Variants in PTPRK observed in about 807,000 individuals in gnomAD.
PTPRK encodes the protein protein tyrosine phosphatase receptor type K.
PTPRK carries 75 observed loss-of-function variants against 178.0 expected under a neutral mutation model. That is an observed-to-expected ratio of 0.42 (90% CI 0.35 to 0.51). PTPRK has a LOEUF of 0.51. Among genes scored for constraint, PTPRK ranks in the 20% least tolerant of loss-of-function variants. PTPRK has a pLI of 0.02. For synonymous variants in PTPRK, 637 were observed against 620.6 expected (o/e 1.03, Z -0.39); for missense variants, 1,441 against 1,797.8 (o/e 0.80, Z 3.59).
chr6:128,373,819 C>T (rs1836641060), intron 2 of PTPRK, among the ~76,000 whole-genome samples: 1 of 152,084 alleles, frequency 6.6e-6, no homozygotes, highest in Admixed American at 6.6e-5. Flanking sequence ...CATGAATACC[C>T]TTTAGTCTCA....
intron 1 of PTPRK, among the ~76,000 whole-genome samples, chr6:128,515,207 A>G (rs1035031678): frequency 1.3e-5 from 2 of 152,256 alleles, no homozygotes; most frequent in African/African-American, 4.8e-5. Context: ...GAACTTAAAG[A>G]CTTCAGAAAC....
chr6:128,030,512 T>C (rs577164017), intron 13 of PTPRK, among the ~76,000 whole-genome samples: 1 of 152,356 alleles, frequency 6.6e-6, no homozygotes, highest in East Asian at 1.9e-4. Flanking sequence ...GACTCTTCCC[T>C]TAGCTGTGTC....
intron 2 of PTPRK, among the ~76,000 whole-genome samples, chr6:128,394,050 G>A (rs376616313): frequency 6.6e-6 from 1 of 151,998 alleles, no homozygotes; most frequent in East Asian, 1.9e-4. Flanking sequence ...TAAATAATAT[G>A]CTGATTTCTA....
intron 5 of PTPRK, among the ~76,000 whole-genome samples, chr6:128,222,277 CACT>C (rs1810552375): frequency 6.6e-6 from 1 of 152,206 alleles, no homozygotes; most frequent in African/African-American, 2.4e-5. Context: ...CCTCTCACAA[CACT>C]ACTATCTCAA....
chr6:128,037,040 C>A (rs1776349581), intron 13 of PTPRK, among the ~76,000 whole-genome samples: 1 of 152,046 alleles, frequency 6.6e-6, no homozygotes, highest in African/African-American at 2.4e-5. Flanking sequence ...CCCTCCCTAA[C>A]TCATTCTTTT....
At chr6:128,468,247 G>A (rs1850144170) in intron 1 of PTPRK, among the ~76,000 whole-genome samples, 1 of 152,104 alleles carries the variant, frequency 6.6e-6, no homozygotes, top group Non-Finnish European at 1.5e-5. Context: ...ACGAATTTGG[G>A]GCTCACAATT....
At position 128,322,667 on chromosome 6, in the gene PTPRK, A is replaced by AATATATATATATATATATATATATAT. The variant is rs10651820; in HGVS notation, c.224-358_224-357insATATATATATATATATATATATATAT. ...TTACTGAACACAAGTCTTTTAATAT[A>AATATATATATATATATATATATATAT]ATATATATATATATGTATACACACA... On this transcript the variant is annotated intron_variant, in intron 2 of 29. Transcript: ENST00000368226. 5.6e-3 allele frequency among the ~76,000 whole-genome samples: 801 copies of AATATATATATATATATATATATATAT among 143,508 alleles called. 11 individuals are homozygous for AATATATATATATATATATATATATAT. The highest frequency in any genetic ancestry group is 9.0e-3 in the South Asian group (42 of 4,664). The allele number at this position is 143,508 out of a possible 152,430, so 94.1% of individuals were successfully genotyped here.
At chr6:128,473,807 C>T (rs976755762) in intron 1 of PTPRK, among the ~76,000 whole-genome samples, 5 of 152,146 alleles carry the variant, frequency 3.3e-5, no homozygotes, top group Admixed American at 2.6e-4. Flanking sequence ...TGTAAAGCTA[C>T]TACTGGGTTA....
intron 13 of PTPRK, among the ~76,000 whole-genome samples, chr6:128,038,967 T>C (rs896223183): frequency 6.6e-6 from 1 of 152,154 alleles, no homozygotes; most frequent in African/African-American, 2.4e-5. Context: ...CTGGCACTAA[T>C]TAGTAGTGAT....
intron 7 of PTPRK, among the ~76,000 whole-genome samples, chr6:128,101,438 T>G (rs17055283): frequency 0.035 from 5,329 of 152,182 alleles, 160 homozygotes; most frequent in Middle Eastern, 0.092. Context: ...GTTTCCCACA[T>G]AGTACCTCAT....
At chr6:128,162,664 T>C (rs1325700279) in intron 7 of PTPRK, among the ~76,000 whole-genome samples, 1 of 151,760 alleles carries the variant, frequency 6.6e-6, no homozygotes, top group Non-Finnish European at 1.5e-5. Flanking sequence ...TTAAATCTAT[T>C]AGGGAGAGGT....
At chr6:128,461,854 G>T (rs1306369767) in intron 1 of PTPRK, among the ~76,000 whole-genome samples, 1 of 152,118 alleles carries the variant, frequency 6.6e-6, no homozygotes, top group Non-Finnish European at 1.5e-5. Flanking sequence ...ATAGAACAAG[G>T]TCTATTTTGA....
At chr6:128,415,128 T>C (rs998168171) in intron 1 of PTPRK, among the ~76,000 whole-genome samples, 1 of 152,140 alleles carries the variant, frequency 6.6e-6, no homozygotes, top group African/African-American at 2.4e-5. Flanking sequence ...GCATACGGCC[T>C]AGACTAGGGA....
intron 1 of PTPRK, among the ~76,000 whole-genome samples, chr6:128,403,939 A>T (rs557494921): frequency 5.9e-5 from 9 of 152,310 alleles, no homozygotes; most frequent in African/African-American, 2.2e-4. Flanking sequence ...TCATAGTATC[A>T]AGAAGCCACA....
intron 3 of PTPRK, among the ~76,000 whole-genome samples, chr6:128,264,326 C>G (rs1417485300): frequency 1.3e-5 from 2 of 152,140 alleles, no homozygotes; most frequent in African/African-American, 4.8e-5. Context: ...ATCAGATACA[C>G]AGTAATACAT....
chr6:128,511,750 T>C (rs1857219173), intron 1 of PTPRK, among the ~76,000 whole-genome samples: 1 of 152,232 alleles, frequency 6.6e-6, no homozygotes, highest in Non-Finnish European at 1.5e-5. Flanking sequence ...TAAACATTTG[T>C]GTACATTCAT....
intron 5 of PTPRK, 54 bp downstream of exon 5, chr6:128,239,981 A>G: frequency 7.3e-7 from 1 of 1,360,752 alleles, no homozygotes; most frequent in Non-Finnish European, 1.0e-6. Flanking sequence ...TCCTGTTGCA[A>G]TGTTTTTAAA....
chr6:128,224,419 T>G (rs1810927993), intron 5 of PTPRK, among the ~76,000 whole-genome samples: 1 of 152,166 alleles, frequency 6.6e-6, no homozygotes, highest in Admixed American at 6.5e-5. Context: ...TCATTCCTGG[T>G]GGAATATAGT....
At chr6:128,190,227 T>G (rs1803527309) in intron 6 of PTPRK, among the ~76,000 whole-genome samples, 1 of 152,126 alleles carries the variant, frequency 6.6e-6, no homozygotes, top group Non-Finnish European at 1.5e-5. Context: ...CCAGATATAT[T>G]TATGAGAATT....
Sources: gnomAD v4.1 joint callset for allele counts (sites outside exome capture counted in the v4.1 genomes callset) on GRCh38, gnomAD v4.1.1 for gene constraint, MANE v1.5 for transcripts, NCBI Gene and HGNC (gene_info 2026-07-23, HGNC 2026-07-21) for gene names.